Variants in CADM2 observed in about 807,000 individuals in gnomAD.
CADM2 encodes immunoglobulin superfamily member 4D.
CADM2 carries 12 observed loss-of-function variants against 49.8 expected under a neutral mutation model. That is an observed-to-expected ratio of 0.24 (90% CI 0.15 to 0.39). The LOEUF (loss-of-function observed/expected upper bound fraction) is 0.39. Among genes scored for constraint, CADM2 ranks in the 10% least tolerant of loss-of-function variants. The pLI is 1.00. For synonymous variants in CADM2, 214 were observed against 175.4 expected (o/e 1.22, Z -1.74); for missense variants, 378 against 492.3 (o/e 0.77, Z 2.20).
chr3:85,999,271 T>TGGG (rs1296304438), intron 8 of CADM2, among the ~76,000 whole-genome samples: 4,161 of 142,778 alleles, frequency 0.029, 165 homozygotes, highest in Admixed American at 0.059. Context: ...GGCCGAGGGT[T>TGGG]GGGGGGTGGA....
chr3:85,063,590 A>G (rs977531458), intron 1 of CADM2, among the ~76,000 whole-genome samples: 1 of 152,080 alleles, frequency 6.6e-6, no homozygotes, highest in African/African-American at 2.4e-5. Flanking sequence ...GAAAGAAAAG[A>G]CAACTAATAG....
intron 1 of CADM2, among the ~76,000 whole-genome samples, chr3:84,969,557 G>T (rs1394044693): frequency 6.6e-6 from 1 of 151,072 alleles, no homozygotes. Context: ...TCTTCTAAAA[G>T]ATTTAATCTT....
At chr3:85,331,288 C>A (rs1159876419) in intron 1 of CADM2, among the ~76,000 whole-genome samples, 1 of 151,982 alleles carries the variant, frequency 6.6e-6, no homozygotes. Flanking sequence ...CTCCCACTAC[C>A]CTTCCCAGCC....
intron 8 of CADM2, among the ~76,000 whole-genome samples, chr3:85,998,557 C>T (rs1312240993): frequency 6.6e-6 from 1 of 152,008 alleles, no homozygotes; most frequent in Non-Finnish European, 1.5e-5. Flanking sequence ...ATATATTTAT[C>T]TATGCACTTA....
Position 85,461,923 on chromosome 3 carries a change from C to T in CADM2, c.62-264599C>T, listed in dbSNP as rs1576598421. Among the ~76,000 whole-genome samples, 3 of 152,098 alleles carry T rather than the reference C, an allele frequency of 2.0e-5. No homozygotes were observed. In the South Asian group the frequency reaches 6.2e-4, roughly 31 times the overall value. On this transcript the variant is annotated intron_variant, in intron 1 of 9. Coordinates refer to ENST00000383699, the MANE Select transcript of CADM2 (RefSeq NM_001167675.2). The stretch of plus-strand genomic sequence containing the variant: ...ATAGTCTCTAATAAAAGTGTAATGG[C>T]TATCAGGGGTCCGGACTTTCGCTGT...
chr3:85,777,412 T>C (rs2070411942), intron 2 of CADM2, among the ~76,000 whole-genome samples: 1 of 152,002 alleles, frequency 6.6e-6, no homozygotes, highest in Admixed American at 6.6e-5. Context: ...CATGCCACCA[T>C]GCCTGGCTAA....
chr3:86,033,712 T>C (rs1053136733), intron 8 of CADM2, among the ~76,000 whole-genome samples: 1 of 146,140 alleles, frequency 6.8e-6, no homozygotes, highest in African/African-American at 2.5e-5. Flanking sequence ...TTTATATATA[T>C]ATATATATAA....
intron 1 of CADM2, among the ~76,000 whole-genome samples, chr3:85,458,211 T>A (rs2038081572): frequency 6.6e-6 from 1 of 152,212 alleles, no homozygotes; most frequent in African/African-American, 2.4e-5. Flanking sequence ...TCCTGCTGAA[T>A]AACGTTATTC....
chr3:85,879,295 C>T (rs1333611719), intron 3 of CADM2, among the ~76,000 whole-genome samples: 1 of 151,846 alleles, frequency 6.6e-6, no homozygotes, highest in African/African-American at 2.4e-5. Flanking sequence ...CAAGCACAGA[C>T]CTGCTTTATT....
intron 1 of CADM2, among the ~76,000 whole-genome samples, chr3:85,259,944 A>T (rs2042977590): frequency 6.6e-6 from 1 of 152,132 alleles, no homozygotes; most frequent in African/African-American, 2.4e-5. Flanking sequence ...AAGGTTAGTC[A>T]TCTTTTGAAG....
chr3:85,998,114 A>G (rs140651678), intron 8 of CADM2, among the ~76,000 whole-genome samples: 2 of 152,294 alleles, frequency 1.3e-5, no homozygotes, highest in African/African-American at 2.4e-5. Flanking sequence ...CCCACCAGAC[A>G]TAGAAGGTGT....
intron 1 of CADM2, among the ~76,000 whole-genome samples, chr3:84,976,921 C>T (rs184806539): frequency 1.3e-5 from 2 of 151,930 alleles, no homozygotes; most frequent in Admixed American, 6.6e-5. Context: ...ATTTATATCT[C>T]ACAGATCTAA....
chr3:85,544,544 T>C (rs1202177114), intron 1 of CADM2, among the ~76,000 whole-genome samples: 1 of 151,950 alleles, frequency 6.6e-6, no homozygotes, highest in Non-Finnish European at 1.5e-5. Flanking sequence ...GCCACTGCAC[T>C]CCTGCCTGGG....
intron 1 of CADM2, among the ~76,000 whole-genome samples, chr3:85,246,105 A>C (rs1445217348): frequency 6.6e-6 from 1 of 152,164 alleles, no homozygotes; most frequent in Non-Finnish European, 1.5e-5. Context: ...AAATTATTCT[A>C]CTATGCAGCC....
chr3:85,933,515 A>C (rs1037127861), intron 6 of CADM2, among the ~76,000 whole-genome samples: 4 of 152,040 alleles, frequency 2.6e-5, no homozygotes, highest in Non-Finnish European at 4.4e-5. Context: ...CTTTGTTAGG[A>C]TATTGGACAC....
At chr3:85,624,714 C>T (rs1424355730) in intron 1 of CADM2, among the ~76,000 whole-genome samples, 3 of 152,220 alleles carry the variant, frequency 2.0e-5, no homozygotes, top group South Asian at 2.1e-4. Context: ...GTGTAGTCTC[C>T]TACTTCATTC....
chr3:85,924,866 A>G (rs559882113), intron 6 of CADM2, among the ~76,000 whole-genome samples: 1 of 152,156 alleles, frequency 6.6e-6, no homozygotes, highest in Admixed American at 6.5e-5. Context: ...TCCAAACTCT[A>G]CAGCTTGACA....
chr3:85,729,040 T>C (rs1001455871), intron 2 of CADM2, among the ~76,000 whole-genome samples: 1 of 152,188 alleles, frequency 6.6e-6, no homozygotes, highest in Non-Finnish European at 1.5e-5. Flanking sequence ...CTTATTTCTG[T>C]AGAAACTTAT....
Position 86,065,636 on chromosome 3 carries a change from T to G in CADM2, c.1002T>G (p.Pro334=). 1 of 1,613,944 alleles carries G rather than the reference T, an allele frequency of 6.2e-7. No individual in the cohort carries two copies. The highest frequency in any genetic ancestry group is 1.3e-5 in the African/African-American group (1 of 75,056). ...DPNALAGQNG[P]DHALIGGIVA... is the part of the protein sequence containing the mutation. ...ATGCTTTGGCTGGCCAGAATGGCCCTGACCATGCTCTCATAGGAGGAATAG... is the reference window on the plus strand; with the variant it reads ...ATGCTTTGGCTGGCCAGAATGGCCCGGACCATGCTCTCATAGGAGGAATAG... Residue 334 remains proline (P), a synonymous_variant, in exon 9 of 10, where the codon CCT becomes CCG. Coordinates refer to ENST00000383699, the MANE Select transcript of CADM2 (RefSeq NM_001167675.2).
Sources: allele counts gnomAD v4.1 joint callset (sites outside exome capture counted in the v4.1 genomes callset), GRCh38; gene constraint gnomAD v4.1.1; transcripts MANE v1.5; gene names NCBI Gene and HGNC (gene_info 2026-07-23, HGNC 2026-07-21).